The following BICDL1 variants were observed in gnomAD, a reference collection of about 807,000 sequenced individuals.
BICDL1 encodes the protein BICD family-like cargo adapter 1.
A neutral mutation model predicts 76.8 loss-of-function variants in BICDL1; 20 were observed. The ratio of observed to expected loss-of-function variants is 0.26; its 90% CI spans 0.18 to 0.38. The LOEUF (loss-of-function observed/expected upper bound fraction) is 0.38, where lower values mean the gene tolerates loss of function less well. Among genes scored for constraint, BICDL1 ranks in the 10% least tolerant of loss-of-function variants. BICDL1 has a pLI of 1.00. For synonymous variants in BICDL1, 383 were observed against 337.1 expected (o/e 1.14, Z -1.49); for missense variants, 700 against 798.6 (o/e 0.88, Z 1.49).
rs1874085676 is a variant in BICDL1 at position 120,082,692 on chromosome 12, C to G, written c.1583+1675C>G. Among the ~76,000 whole-genome samples the G allele has an allele frequency of 1.3e-5, 2 of 152,076 alleles. 1 individual carries two copies. Among genetic ancestry groups the G allele is most frequent in the African/African-American group, 4.8e-5 (2 of 41,388 alleles). Reference sequence around the variant, plus strand: ...CCACCTCCTGGGCTCAAGTGATCTTCCCTCCTCAGCCTCCCAAGTAGCTGT... The same window carrying G: ...CCACCTCCTGGGCTCAAGTGATCTTGCCTCCTCAGCCTCCCAAGTAGCTGT... On this transcript the variant is annotated intron_variant, in intron 8 of 9. Coordinates refer to ENST00000548673, the MANE Select transcript of BICDL1 (RefSeq NM_001367886.1).
intron 2 of BICDL1, among the ~76,000 whole-genome samples, chr12:120,042,256 G>A (rs1230087849): frequency 3.3e-5 from 5 of 152,160 alleles, no homozygotes; most frequent in African/African-American, 9.7e-5. Context: ...ATAGTCCTCT[G>A]AGGTATATTT....
At chr12:120,054,521 G>A (rs1036724379) in intron 2 of BICDL1, among the ~76,000 whole-genome samples, 4 of 152,094 alleles carry the variant, frequency 2.6e-5, no homozygotes, top group East Asian at 1.9e-4. Context: ...GAAATCCCAC[G>A]TGCCTAATAA....
chr12:119,992,674 T>G (rs1951549446), intron 1 of BICDL1: 1 of 152,238 alleles, frequency 6.6e-6, no homozygotes, highest in Non-Finnish European at 1.5e-5. Flanking sequence ...AGTGAACCAT[T>G]GAGCCTGGCC....
At chr12:120,015,872 CCTT>C (rs1952050312) in intron 2 of BICDL1, among the ~76,000 whole-genome samples, 1 of 152,298 alleles carries the variant, frequency 6.6e-6, no homozygotes, top group South Asian at 2.1e-4. Context: ...AATCCAATGA[CCTT>C]CTACAATATT....
At chr12:120,047,134 A>G (rs1350429831) in intron 2 of BICDL1, among the ~76,000 whole-genome samples, 1 of 152,144 alleles carries the variant, frequency 6.6e-6, no homozygotes, top group African/African-American at 2.4e-5. Context: ...ACATGCCCCT[A>G]TCTAGTGGAT....
chr12:120,031,817 T>G (rs1328495755), intron 2 of BICDL1, among the ~76,000 whole-genome samples: 1 of 152,096 alleles, frequency 6.6e-6, no homozygotes, highest in East Asian at 1.9e-4. Flanking sequence ...CCTGGCTGGG[T>G]GCATTGGCTC....
intron 8 of BICDL1, among the ~76,000 whole-genome samples, chr12:120,082,429 T>C (rs1874063537): frequency 6.6e-6 from 1 of 152,000 alleles, no homozygotes; most frequent in African/African-American, 2.4e-5. Flanking sequence ...ATTTTTTGTA[T>C]TTTTGTTAGA....
At chr12:120,084,190 G>A (rs1010330927) in intron 8 of BICDL1, among the ~76,000 whole-genome samples, 2 of 152,006 alleles carry the variant, frequency 1.3e-5, no homozygotes, top group Non-Finnish European at 2.9e-5. Context: ...TTTTAGTAGA[G>A]ACAGGGTTTC....
intron 2 of BICDL1, among the ~76,000 whole-genome samples, chr12:120,019,597 A>G (rs1952138029): frequency 1.3e-5 from 2 of 152,184 alleles, no homozygotes; most frequent in Non-Finnish European, 2.9e-5. Context: ...AAATCTTGCT[A>G]CACATCGTTT....
At chr12:120,004,677 A>G (rs762971644) in intron 2 of BICDL1, among the ~76,000 whole-genome samples, 5 of 152,194 alleles carry the variant, frequency 3.3e-5, no homozygotes, top group African/African-American at 7.2e-5. Context: ...TTGGCTCCCA[A>G]TGGGGTGTTA....
chr12:120,089,958 G>A lies in BICDL1; in HGVS notation c.1591G>A (p.Ala531Thr). ...DRDEAIAKKN[A>T]VELELAKCRM... The stretch of plus-strand genomic sequence containing the variant: ...TGGCTTGTCTGTTCTCAGGAAGAAT[G>A]CTGTGGAGCTGGAACTTGCCAAGTG... Residue 531 changes from alanine to threonine, a missense_variant, in exon 9 of 10, where the codon GCT becomes ACT. By Grantham distance (58) the Ala-to-Thr change is moderately conservative (BLOSUM62 0). Transcript: ENST00000548673. 1.2e-6 allele frequency: 2 copies of A among 1,614,092 alleles called. No homozygotes were observed. Among genetic ancestry groups the A allele is most frequent in the Non-Finnish European group, 1.7e-6 (2 of 1,179,968 alleles).
At chr12:120,010,102 G>A (rs1951923746) in intron 2 of BICDL1, among the ~76,000 whole-genome samples, 1 of 152,214 alleles carries the variant, frequency 6.6e-6, no homozygotes, top group South Asian at 2.1e-4. Context: ...GACCACCAGT[G>A]CCTCAGCCTG....
chr12:120,085,139 G>C (rs1185191126), intron 8 of BICDL1, among the ~76,000 whole-genome samples: 1 of 152,046 alleles, frequency 6.6e-6, no homozygotes, highest in African/African-American at 2.4e-5. Context: ...TTAGTTAATG[G>C]ATACTTAAGT....
At chr12:120,032,130 C>G (rs1003865000) in intron 2 of BICDL1, among the ~76,000 whole-genome samples, 2 of 152,102 alleles carry the variant, frequency 1.3e-5, no homozygotes, top group Non-Finnish European at 2.9e-5. Context: ...CCCTTCACCC[C>G]ATTATGTGTA....
chr12:120,060,843 ACCT>A (rs1391468360), intron 2 of BICDL1, among the ~76,000 whole-genome samples: 3 of 151,964 alleles, frequency 2.0e-5, no homozygotes, highest in Non-Finnish European at 4.4e-5. Context: ...TCACCATCCC[ACCT>A]CCTCGGAAAG....
At chr12:120,087,215 G>T (rs1377267259) in intron 8 of BICDL1, among the ~76,000 whole-genome samples, 1 of 152,250 alleles carries the variant, frequency 6.6e-6, no homozygotes, top group Non-Finnish European at 1.5e-5. Flanking sequence ...TGTGACGGAG[G>T]CAGCCTTCGG....
Position 120,002,146 on chromosome 12 carries a change from T to C in BICDL1, c.645+3410T>C, listed in dbSNP as rs185873747. Among the ~76,000 whole-genome samples the C allele has an allele frequency of 1.4e-3, 214 of 152,328 alleles. 1 individual carries two copies. Among genetic ancestry groups the C allele is most frequent in the African/African-American group, 4.7e-3 (196 of 41,572 alleles). On this transcript the variant is annotated intron_variant, in intron 2 of 9. Coordinates refer to ENST00000548673, the MANE Select transcript of BICDL1 (RefSeq NM_001367886.1). ...ATGTCACCCTCCGCAAAAGAAACCCTGTACCCATAGCAGTCACTCATTTCT... is the reference window on the plus strand; with the variant it reads ...ATGTCACCCTCCGCAAAAGAAACCCCGTACCCATAGCAGTCACTCATTTCT...
In BICDL1 at chr12:119,989,669, G is replaced by C. The variant is rs1951469812; in HGVS notation, c.-200G>C. On this transcript the variant is annotated 5_prime_UTR_variant, in exon 1 of 10. Coordinates refer to ENST00000548673, the MANE Select transcript of BICDL1 (RefSeq NM_001367886.1). ...CGCCTGAGCAGCTGAGCCCGGGGGC[G>C]GGGGAGGGGGCGCGTGCCGCCGGCG... Among the ~76,000 whole-genome samples the C allele has an allele frequency of 6.8e-6, 1 of 147,562 alleles. No individual in the cohort carries two copies. The highest frequency in any genetic ancestry group is 2.5e-5 in the African/African-American group (1 of 40,744).
At chr12:119,994,831 T>C (rs562045124) in intron 1 of BICDL1, among the ~76,000 whole-genome samples, 1 of 152,298 alleles carries the variant, frequency 6.6e-6, no homozygotes, top group South Asian at 2.1e-4. Context: ...CCAAAAGAGC[T>C]GGAAAGATAG....
Sources: gnomAD v4.1 joint callset for allele counts (sites outside exome capture counted in the v4.1 genomes callset) on GRCh38, gnomAD v4.1.1 for gene constraint, MANE v1.5 for transcripts, NCBI Gene and HGNC (gene_info 2026-07-23, HGNC 2026-07-21) for gene names.